Variants in MRPS6 observed in about 807,000 individuals in gnomAD.
MRPS6 encodes the protein small ribosomal subunit protein bS6m.
Under a neutral mutation model 13.1 loss-of-function variants are expected in MRPS6, and 6 were observed. That is an observed-to-expected ratio of 0.46 (90% confidence interval 0.25 to 0.91). The LOEUF (loss-of-function observed/expected upper bound fraction) is 0.91. Ranked by LOEUF, MRPS6 falls within the 40% of genes least tolerant of loss-of-function variation. The pLI is 0.18. For missense variants in MRPS6, 164 were observed against 155.6 expected (o/e 1.05, Z -0.29); for synonymous variants, 61 against 56.5 (o/e 1.08, Z -0.36).
At position 34,096,832 on chromosome 21, in the gene MRPS6, C is replaced by T. The variant is rs1267260165; in HGVS notation, c.45+23087C>T. 1 of 1,614,058 alleles carries T rather than the reference C, an allele frequency of 6.2e-7. No individual in the cohort carries two copies. On this transcript the variant is annotated intron_variant, in intron 1 of 2. Transcript: ENST00000399312. The surrounding 1 kb of genome is among the most constrained non-coding windows in gnomAD (Gnocchi z 5.9). ...ACAAAGGAACAGATTCGAACCACCA[C>T]CTTTTGGTCTAAGAAGAACCTGGTG...
At chr21:34,085,680 C>T (rs989107370) in intron 1 of MRPS6, among the ~76,000 whole-genome samples, 1 of 150,098 alleles carries the variant, frequency 6.7e-6, no homozygotes, top group Non-Finnish European at 1.5e-5. Context: ...CGGCTCACTG[C>T]AAGCTCTGCC....
rs1980161532 is a variant in MRPS6 at position 34,122,696 on chromosome 21, A to T, written c.46-2645A>T. The T allele has an allele frequency of 2.0e-5, 3 of 150,604 alleles. No individual in the cohort carries two copies. The South Asian group carries it at 6.2e-4, about 31-fold the overall frequency. The allele number at this position is 150,604 out of a possible 1,614,324, so 9.3% of individuals were successfully genotyped here. On this transcript the variant is annotated intron_variant, in intron 1 of 2. Transcript: ENST00000399312. ...TATTTGGGTAGCTAATCAGAAAACT[A>T]ATCAATCAAATGTTTTTTTCCTTTT...
At position 34,096,008 on chromosome 21, in the gene MRPS6, A is replaced by G. The variant is rs1978949756; in HGVS notation, c.45+22263A>G. On this transcript the variant is annotated intron_variant, in intron 1 of 2. Transcript: ENST00000399312. The surrounding 1 kb of genome is among the most constrained non-coding windows in gnomAD (Gnocchi z 5.9). ...CTGGATTCATTCTTGGGCAGACCCC[A>G]GCTTCAGTATGGTACTGGTGTGCTG... 1.9e-6 allele frequency: 3 copies of G among 1,614,166 alleles called. No homozygotes were observed. The East Asian group carries it at 6.7e-5, about 36-fold the overall frequency.
chr21:34,100,259 C>T, intron 1 of MRPS6: 3 of 1,000,076 alleles, frequency 3.0e-6, no homozygotes, highest in Non-Finnish European at 3.6e-6. Flanking sequence ...ATTTTCATCT[C>T]AAGATCTGAT....
At position 34,096,551 on chromosome 21, in the gene MRPS6, A is replaced by T. The variant is rs559001332; in HGVS notation, c.45+22806A>T. 17 of 1,614,160 alleles carry T rather than the reference A, an allele frequency of 1.1e-5. No homozygotes were observed. The highest frequency in any genetic ancestry group is 4.5e-5 in the East Asian group (2 of 44,882). ...AGGTAGCAGATTACCTGACACCCCC[A>T]GTGGCAGCCTTGTTCCTGCTGGCAA... On this transcript the variant is annotated intron_variant, in intron 1 of 2. Transcript: ENST00000399312. This position sits in a 1 kb window ranked among gnomAD's most constrained non-coding sequence, Gnocchi z 5.9.
chr21:34,123,440 G>A (rs972793500), intron 1 of MRPS6: 3 of 151,992 alleles, frequency 2.0e-5, no homozygotes, highest in Non-Finnish European at 2.9e-5. Context: ...CTTCCTCCCC[G>A]ATGGTTTCCA....
chr21:34,116,042 C>T (rs373028364), intron 1 of MRPS6, among the ~76,000 whole-genome samples: 67 of 152,014 alleles, frequency 4.4e-4, no homozygotes, highest in African/African-American at 1.6e-3. Context: ...GGGTTTCACT[C>T]TGTTACCCAG....
At chr21:34,120,702 G>T (rs1428957568) in intron 1 of MRPS6, among the ~76,000 whole-genome samples, 3 of 152,038 alleles carry the variant, frequency 2.0e-5, no homozygotes, top group Non-Finnish European at 2.9e-5. Flanking sequence ...ATTTATATGT[G>T]TATTGGAATT....
intron 1 of MRPS6, among the ~76,000 whole-genome samples, chr21:34,121,660 T>C (rs1411110597): frequency 6.6e-6 from 1 of 152,166 alleles, no homozygotes; most frequent in Non-Finnish European, 1.5e-5. Context: ...CTTAGAATAG[T>C]TGGAATTGAG....
intron 1 of MRPS6, among the ~76,000 whole-genome samples, chr21:34,081,728 A>C (rs1172922895): frequency 1.3e-5 from 2 of 152,198 alleles, no homozygotes; most frequent in Non-Finnish European, 2.9e-5. Context: ...GGAGGTAGTT[A>C]AGTGTAGTTC....
intron 2 of MRPS6, among the ~76,000 whole-genome samples, chr21:34,128,703 A>G (rs1002348126): frequency 6.6e-6 from 1 of 152,228 alleles, no homozygotes; most frequent in South Asian, 2.1e-4. Context: ...TTCCCAGACT[A>G]GTCCACAGAG....
chr21:34,111,720 C>T (rs1050469579), intron 1 of MRPS6, among the ~76,000 whole-genome samples: 4 of 152,166 alleles, frequency 2.6e-5, no homozygotes, highest in African/African-American at 9.7e-5. Flanking sequence ...AGGGCTTGCC[C>T]CCTTCCAAGT....
chr21:34,121,630 C>T (rs144479745), intron 1 of MRPS6, among the ~76,000 whole-genome samples: 1 of 152,168 alleles, frequency 6.6e-6, no homozygotes, highest in East Asian at 1.9e-4. Context: ...AGAAGCCTCT[C>T]AGAAGCCTGC....
Position 34,096,254 on chromosome 21 carries a change from A to C in MRPS6, c.45+22509A>C. 1 of 1,614,100 alleles carries C rather than the reference A, an allele frequency of 6.2e-7. No individual in the cohort carries two copies. ...CTGGTTGCTCCAATATTGCTTACCC[A>C]CGCCTGGTGATGAAGCTGGTTCCTG... On this transcript the variant is annotated intron_variant, in intron 1 of 2. Coordinates refer to ENST00000399312, the MANE Select transcript of MRPS6 (RefSeq NM_032476.4). The surrounding 1 kb of genome is among the most constrained non-coding windows in gnomAD (Gnocchi z 5.9).
chr21:34,138,148 A>G (rs1209540028), intron 2 of MRPS6, among the ~76,000 whole-genome samples: 1 of 152,078 alleles, frequency 6.6e-6, no homozygotes, highest in Non-Finnish European at 1.5e-5. Flanking sequence ...AATTTGTATC[A>G]GAATTGGTAT....
chr21:34,120,214 G>C (rs759443853), intron 1 of MRPS6, among the ~76,000 whole-genome samples: 5 of 152,108 alleles, frequency 3.3e-5, no homozygotes, highest in Non-Finnish European at 7.4e-5. Context: ...ATTTAGTCTT[G>C]GTAGGGGCTT....
At chr21:34,117,024 C>T (rs2148666513) in intron 1 of MRPS6, among the ~76,000 whole-genome samples, 1 of 152,264 alleles carries the variant, frequency 6.6e-6, no homozygotes, top group South Asian at 2.1e-4. Context: ...TCCCACCACT[C>T]TGACTGATTC....
At chr21:34,114,907 TA>T (rs1979843159) in intron 1 of MRPS6, among the ~76,000 whole-genome samples, 1 of 152,208 alleles carries the variant, frequency 6.6e-6, no homozygotes, top group Admixed American at 6.5e-5. Flanking sequence ...GTTCATTTTT[TA>T]AATTTATTCG....
chr21:34,085,838 G>A lies in MRPS6; in HGVS notation c.45+12093G>A, dbSNP rs549741946. ...AGGGTGGTCTTGATGTCCTGACCTC[G>A]TGATTCACCCGCCTCGGCCTCCCAA... On this transcript the variant is annotated intron_variant, in intron 1 of 2. Transcript: ENST00000399312. 2.0e-5 allele frequency among the ~76,000 whole-genome samples: 3 copies of A among 152,212 alleles called. No homozygotes were observed. In the East Asian group the frequency reaches 5.8e-4, roughly 29 times the overall value.
Sources: allele counts gnomAD v4.1 joint callset (sites outside exome capture counted in the v4.1 genomes callset), GRCh38; gene constraint gnomAD v4.1.1; non-coding constraint Gnocchi (gnomAD v3.1); transcripts MANE v1.5; gene names NCBI Gene and HGNC (gene_info 2026-07-23, HGNC 2026-07-21).